The following VPS13B variants were observed in gnomAD, a reference collection of about 807,000 sequenced individuals.
VPS13B encodes the protein vacuolar protein sorting 13 homolog B.
Under a neutral mutation model 426.4 loss-of-function variants are expected in VPS13B, and 285 were observed. The ratio of observed to expected loss-of-function variants is 0.67; its 90% CI spans 0.61 to 0.74. VPS13B has a LOEUF of 0.74. Ranked by LOEUF, VPS13B falls within the 30% of genes least tolerant of loss-of-function variation. VPS13B has a pLI of 0.00. For missense variants in VPS13B, 4,537 were observed against 4,782.6 expected, an observed-to-expected ratio of 0.95 and a Z score of 1.51; for synonymous variants, 1,676 against 1,676.4, an observed-to-expected ratio of 1.00 and a Z score of 0.01.
intron 39 of VPS13B, among the ~76,000 whole-genome samples, chr8:99,740,073 CA>C (rs1039414203): frequency 3.3e-5 from 5 of 151,480 alleles, no homozygotes; most frequent in African/African-American, 1.2e-4. Context: ...AAAAACCTTG[CA>C]AAAAAAATTA....
chr8:99,255,314 G>A (rs185000634), intron 17 of VPS13B, among the ~76,000 whole-genome samples: 31 of 152,142 alleles, frequency 2.0e-4, no homozygotes, highest in Admixed American at 1.6e-3. Context: ...GTTAATTGGA[G>A]CATTTTTATA....
chr8:99,480,768 C>T (rs1266565244), intron 24 of VPS13B, among the ~76,000 whole-genome samples: 1 of 152,096 alleles, frequency 6.6e-6, no homozygotes, highest in Admixed American at 6.5e-5. Flanking sequence ...AAGAAGCCAG[C>T]TTCATCATCT....
intron 22 of VPS13B, 90 bp downstream of exon 22, chr8:99,431,754 A>G: frequency 1.5e-6 from 2 of 1,371,890 alleles, no homozygotes; most frequent in East Asian, 2.5e-5. Flanking sequence ...CTTTTCTCAC[A>G]TGTAACAATT....
At chr8:99,875,304 TAATAGATGACCTAAAAGGCATAATGTAC>T in intron 61 of VPS13B, 86 bp from the exon 62 acceptor site, 1 of 1,422,026 alleles carries the variant, frequency 7.0e-7, no homozygotes, top group Non-Finnish European at 9.8e-7. Context: ...TTAATGGCTT[TAATAGATGACCTAAAAGGCATAATGTAC>T]AAATATATCG....
At chr8:99,041,458 A>C (rs1412289401) in intron 3 of VPS13B, among the ~76,000 whole-genome samples, 1 of 152,138 alleles carries the variant, frequency 6.6e-6, no homozygotes, top group East Asian at 1.9e-4. Context: ...CCTTTTTCAT[A>C]TTCTTTTTTG....
intron 19 of VPS13B, among the ~76,000 whole-genome samples, chr8:99,309,475 A>G (rs991196360): frequency 2.6e-5 from 4 of 152,176 alleles, no homozygotes; most frequent in African/African-American, 7.2e-5. Flanking sequence ...CAGGTTTGTC[A>G]AAGATCATAT....
chr8:99,330,177 G>A (rs1005096825), intron 19 of VPS13B, among the ~76,000 whole-genome samples: 1 of 151,772 alleles, frequency 6.6e-6, no homozygotes, highest in African/African-American at 2.4e-5. Context: ...TTATTTTGGG[G>A]CTACTATTCC....
rs1448550509 is a variant in VPS13B, at chr8:99,868,522, T to C, written c.11392+57T>C. On this transcript the variant is annotated intron_variant, in intron 59 of 61. Coordinates refer to ENST00000357162, the MANE Select transcript of VPS13B (RefSeq NM_152564.5). ...CAGACGTTACTGATTTGCATGCTTA[T>C]ACCAAGGGTTCCCTAAGATAGTGTA... is the stretch of plus-strand genomic sequence containing the variant. The C allele has an allele frequency of 2.6e-6, 4 of 1,554,206 alleles. No homozygotes were observed. In the Admixed American group the frequency reaches 7.8e-5, roughly 30 times the overall value.
intron 33 of VPS13B, 96 bp downstream of exon 33, chr8:99,577,729 A>G: frequency 6.9e-7 from 1 of 1,439,078 alleles, no homozygotes; most frequent in South Asian, 1.2e-5. Context: ...CTTTCTGCTT[A>G]ATTATTCTGT....
intron 39 of VPS13B, among the ~76,000 whole-genome samples, chr8:99,740,189 T>G (rs1266065012): frequency 6.6e-6 from 1 of 152,174 alleles, no homozygotes; most frequent in Admixed American, 6.5e-5. Context: ...CAAGCCTCGG[T>G]AGCTGATTCG....
intron 35 of VPS13B, among the ~76,000 whole-genome samples, chr8:99,679,219 G>C (rs888231603): frequency 2.0e-5 from 3 of 152,078 alleles, no homozygotes; most frequent in Non-Finnish European, 4.4e-5. Flanking sequence ...ACTTTTGGCT[G>C]TTTCTAAAAA....
chr8:99,018,778 A>G (rs1292681832), intron 2 of VPS13B, among the ~76,000 whole-genome samples: 1 of 48,680 alleles, frequency 2.1e-5, no homozygotes, highest in East Asian at 3.2e-4. Context: ...ATGATTTTCC[A>G]ATGAGTTTTA....
intron 31 of VPS13B, among the ~76,000 whole-genome samples, chr8:99,559,865 G>T (rs1455229819): frequency 2.0e-5 from 3 of 152,080 alleles, no homozygotes; most frequent in Non-Finnish European, 4.4e-5. Context: ...TGTTCTTTTT[G>T]CTTAGGATTG....
chr8:99,153,955 A>T (rs905926532), intron 14 of VPS13B, among the ~76,000 whole-genome samples: 2 of 151,668 alleles, frequency 1.3e-5, no homozygotes, highest in African/African-American at 4.8e-5. Flanking sequence ...GGGGTATGGA[A>T]TTCTAGGTTT....
intron 25 of VPS13B, among the ~76,000 whole-genome samples, chr8:99,496,077 T>C (rs1437615897): frequency 1.3e-5 from 2 of 152,126 alleles, no homozygotes; most frequent in African/African-American, 4.8e-5. Flanking sequence ...CATAGTTGGA[T>C]TACCGTTACT....
chr8:99,660,185 C>A (rs147100095), intron 34 of VPS13B, among the ~76,000 whole-genome samples: 2 of 152,254 alleles, frequency 1.3e-5, no homozygotes, highest in African/African-American at 4.8e-5. Context: ...CAATTGCTTT[C>A]AGCATTTTCT....
chr8:99,536,247 C>T lies in VPS13B; in HGVS notation c.4745+15237C>T, dbSNP rs867076471. Among the ~76,000 whole-genome samples, 3 of 152,098 alleles carry T rather than the reference C, an allele frequency of 2.0e-5. No homozygotes were observed. The South Asian group carries it at 6.2e-4, about 31-fold the overall frequency. ...TACAGATGCCAGCCACCGTGCCCGGCCTGATTTTAATCAGAATTTAAAGCA... is the reference window on the plus strand; with the variant it reads ...TACAGATGCCAGCCACCGTGCCCGGTCTGATTTTAATCAGAATTTAAAGCA... On this transcript the variant is annotated intron_variant, in intron 30 of 61. Transcript: ENST00000357162.
chr8:99,243,754 C>G (rs561877500), intron 17 of VPS13B, among the ~76,000 whole-genome samples: 2 of 152,320 alleles, frequency 1.3e-5, no homozygotes, highest in Admixed American at 6.5e-5. Flanking sequence ...TCAAACGCTG[C>G]TGCCGCCACT....
At chr8:99,470,274 T>C (rs1039373357) in intron 24 of VPS13B, among the ~76,000 whole-genome samples, 2 of 152,276 alleles carry the variant, frequency 1.3e-5, no homozygotes, top group East Asian at 3.9e-4. Flanking sequence ...CTATATACTC[T>C]AGGAAAAATT....
Sources: allele counts gnomAD v4.1 joint callset (sites outside exome capture counted in the v4.1 genomes callset), GRCh38; gene constraint gnomAD v4.1.1; transcripts MANE v1.5; gene names NCBI Gene and HGNC (gene_info 2026-07-23, HGNC 2026-07-21).